Variants in KLHL13 observed in about 807,000 individuals in gnomAD.
KLHL13 encodes kelch like family member 13.
Under a neutral mutation model 37.1 loss-of-function variants are expected in KLHL13, and 10 were observed. That is an observed-to-expected ratio of 0.27 (90% CI 0.17 to 0.46). The LOEUF (loss-of-function observed/expected upper bound fraction) is 0.46, where lower values mean the gene tolerates loss of function less well. KLHL13 is among the 20% of genes least tolerant of loss of function. KLHL13 has a pLI of 1.00. For synonymous variants in KLHL13, 163 were observed against 181.2 expected (o/e 0.90, Z 0.81); for missense variants, 360 against 509.3 (o/e 0.71, Z 2.82).
intron 4 of KLHL13, among the ~76,000 whole-genome samples, chrX:117,917,216 A>G (rs756865620): frequency 2.4e-4 from 27 of 111,816 alleles, no homozygotes; most frequent in Non-Finnish European, 4.9e-4. Flanking sequence ...CTAAAACCAT[A>G]CAGACATATC....
At chrX:117,898,599 C>T (rs1929879088) in exon 7 of KLHL13, 1 of 194,781 alleles carries the variant, frequency 5.1e-6, no homozygotes, top group Non-Finnish European at 9.3e-6. Flanking sequence ...TGTAAGATGA[C>T]AAATACCTTA....
chrX:117,952,049 AC>A (rs1004356770), intron 1 of KLHL13, among the ~76,000 whole-genome samples: 5 of 111,591 alleles, frequency 4.5e-5, no homozygotes. Context: ...ATTGGAAAAA[AC>A]TACTTTAAAG....
intron 1 of KLHL13, among the ~76,000 whole-genome samples, chrX:118,069,109 TCACACA>T (rs771534683): frequency 5.8e-4 from 49 of 83,978 alleles, no homozygotes; most frequent in Admixed American, 3.7e-3. Context: ...TCCAGAAGAG[TCACACA>T]CACACACACA....
intron 2 of KLHL13, among the ~76,000 whole-genome samples, chrX:117,937,413 C>G: frequency 9.0e-6 from 1 of 111,636 alleles, no homozygotes; most frequent in Non-Finnish European, 1.9e-5. Context: ...AGGTTACTTT[C>G]ACATCACTGT....
intron 2 of KLHL13, among the ~76,000 whole-genome samples, chrX:117,930,286 A>AAGGAAGGAAGGAAGGC: frequency 1.1e-5 from 1 of 89,348 alleles, no homozygotes; most frequent in East Asian, 3.2e-4. Context: ...GGAAGGAAGG[A>AAGGAAGGAAGGAAGGC]AGGAAGGCAG....
At chrX:117,945,308 A>C in intron 2 of KLHL13, 126 bp downstream of exon 3, 1 of 629,155 alleles carries the variant, frequency 1.6e-6, no homozygotes, top group East Asian at 3.5e-5. Flanking sequence ...AAAAATAGTT[A>C]CCATACATTT....
At chrX:117,972,658 C>T (rs2053543406) in intron 1 of KLHL13, 1 of 926,305 alleles carries the variant, frequency 1.1e-6, no homozygotes, top group Non-Finnish European at 1.5e-6. Flanking sequence ...TGGGGGCTCC[C>T]CCGCCCCCAT....
intron 1 of KLHL13, among the ~76,000 whole-genome samples, chrX:118,072,011 T>C (rs1370237592): frequency 2.4e-4 from 27 of 110,503 alleles, no homozygotes; most frequent in African/African-American, 7.3e-4. Context: ...AAAAAGAGCC[T>C]GCATCACCAA....
intron 1 of KLHL13, among the ~76,000 whole-genome samples, chrX:118,091,848 A>G (rs1299822360): frequency 4.5e-5 from 5 of 111,979 alleles, no homozygotes; most frequent in African/African-American, 1.6e-4. Flanking sequence ...ACACCATGGA[A>G]TACTACTCAG....
chrX:118,086,099 G>A (rs773136463), intron 1 of KLHL13, among the ~76,000 whole-genome samples: 36 of 110,458 alleles, frequency 3.3e-4, no homozygotes, highest in Non-Finnish European at 5.3e-4. Context: ...CACCACAGCC[G>A]GTTAAATTTG....
At chrX:117,939,253 C>T (rs1019574682) in intron 2 of KLHL13, among the ~76,000 whole-genome samples, 6 of 111,671 alleles carry the variant, frequency 5.4e-5, no homozygotes, top group Non-Finnish European at 1.1e-4. Context: ...ATGCATGTCC[C>T]TGCAAAGGAC....
At chrX:117,980,737 A>C (rs2053651707) in intron 1 of KLHL13, among the ~76,000 whole-genome samples, 1 of 111,804 alleles carries the variant, frequency 8.9e-6, no homozygotes, top group Admixed American at 9.5e-5. Context: ...TAATCATTAA[A>C]ACTGAATTTC....
At chrX:117,941,830 T>C (rs746043146) in intron 2 of KLHL13, among the ~76,000 whole-genome samples, 15 of 111,903 alleles carry the variant, frequency 1.3e-4, no homozygotes, top group Non-Finnish European at 2.4e-4. Flanking sequence ...TGTCTCTATC[T>C]CCTTCAGTTC....
At chrX:118,087,921 T>C (rs1272096717) in intron 1 of KLHL13, among the ~76,000 whole-genome samples, 1 of 111,894 alleles carries the variant, frequency 8.9e-6, no homozygotes, top group Admixed American at 9.5e-5. Context: ...GGGCTTCAGT[T>C]TCCTCATCTA....
intron 1 of KLHL13, among the ~76,000 whole-genome samples, chrX:118,075,662 A>C (rs1179597362): frequency 9.0e-6 from 1 of 111,690 alleles, no homozygotes; most frequent in Non-Finnish European, 1.9e-5. Flanking sequence ...ACATGGAATA[A>C]AAGAGGAAGG....
At chrX:118,044,520 T>G (rs1358741327) in intron 1 of KLHL13, among the ~76,000 whole-genome samples, 1 of 107,994 alleles carries the variant, frequency 9.3e-6, no homozygotes, top group Non-Finnish European at 1.9e-5. Context: ...AACAGCATGG[T>G]GCTGGAATAA....
intron 1 of KLHL13, among the ~76,000 whole-genome samples, chrX:118,112,279 T>A (rs996756669): frequency 8.9e-6 from 1 of 112,470 alleles, no homozygotes; most frequent in Non-Finnish European, 1.9e-5. Context: ...GCATACCATG[T>A]GCTGGGTGCT....
intron 4 of KLHL13, among the ~76,000 whole-genome samples, chrX:117,913,826 A>T (rs548227924): frequency 9.3e-6 from 1 of 107,114 alleles, no homozygotes; most frequent in South Asian, 4.4e-4. Context: ...CTGGTGACAG[A>T]GCAAGACTCC....
intron 1 of KLHL13, among the ~76,000 whole-genome samples, chrX:118,074,560 T>C (rs1450610922): frequency 8.9e-6 from 1 of 111,864 alleles, no homozygotes; most frequent in Non-Finnish European, 1.9e-5. Flanking sequence ...ACCACACATC[T>C]TTCAAGCAGG....
Sources: gnomAD v4.1 joint callset for allele counts (sites outside exome capture counted in the v4.1 genomes callset) on GRCh38, gnomAD v4.1.1 for gene constraint, MANE v1.5 for transcripts, NCBI Gene and HGNC (gene_info 2026-07-23, HGNC 2026-07-21) for gene names.